The following STK26 variants were observed in gnomAD, a reference collection of about 807,000 sequenced individuals.
The protein encoded by STK26 is serine/threonine-protein kinase 26.
In STK26, 14 loss-of-function variants were observed where a neutral mutation model predicts 34.7. The observed-to-expected ratio is 0.40, with a 90% confidence interval of 0.27 to 0.63. The LOEUF (loss-of-function observed/expected upper bound fraction) is 0.63, where lower values mean the gene tolerates loss of function less well. Among genes scored for constraint, STK26 ranks in the 30% least tolerant of loss-of-function variants. The probability of loss-of-function intolerance (pLI) is 0.38; values close to 1 mark genes in which losing one functional copy is unlikely to be tolerated. For missense variants in STK26, 226 were observed against 309.1 expected (o/e 0.73, Z 2.02); for synonymous variants, 100 against 109.8 (o/e 0.91, Z 0.56).
intron 2 of STK26, among the ~76,000 whole-genome samples, chrX:132,047,475 G>A (rs1033472683): frequency 9.0e-6 from 1 of 111,170 alleles, no homozygotes; most frequent in Non-Finnish European, 1.9e-5. Context: ...AACAGAACTG[G>A]AAACCTTAGT....
chrX:132,046,254 C>T (rs954128489), intron 2 of STK26, among the ~76,000 whole-genome samples: 1 of 111,242 alleles, frequency 9.0e-6, no homozygotes, highest in African/African-American at 3.3e-5. Context: ...AAGAGGAATG[C>T]AAGTTAGCAG....
chrX:132,059,638 A>G (rs1926980365), intron 3 of STK26, among the ~76,000 whole-genome samples: 1 of 111,537 alleles, frequency 9.0e-6, no homozygotes, highest in Non-Finnish European at 1.9e-5. Flanking sequence ...ATCTTTAAAT[A>G]TTTTTCTAGT....
At chrX:132,037,094 A>G (rs7888560) in intron 2 of STK26, among the ~76,000 whole-genome samples, 20,060 of 111,471 alleles carry the variant, frequency 0.18, 1,475 homozygotes, top group Non-Finnish European at 0.22. Flanking sequence ...TGTGGTGTCC[A>G]TGGACTTGCT....
chrX:132,052,305 G>A (rs1265988786), intron 2 of STK26, among the ~76,000 whole-genome samples: 2 of 111,552 alleles, frequency 1.8e-5, no homozygotes, highest in Admixed American at 9.5e-5. Flanking sequence ...AGTAAATGGG[G>A]CAGGGGTCTC....
At chrX:132,025,026 C>A (rs770817671) in intron 2 of STK26, among the ~76,000 whole-genome samples, 1 of 111,152 alleles carries the variant, frequency 9.0e-6, no homozygotes, top group South Asian at 3.8e-4. Context: ...AACTTTCTTC[C>A]TCTCAGGCGG....
At chrX:132,033,059 T>G (rs1182778366) in intron 2 of STK26, among the ~76,000 whole-genome samples, 1 of 111,644 alleles carries the variant, frequency 9.0e-6, no homozygotes, top group East Asian at 2.8e-4. Flanking sequence ...TATATTATAT[T>G]AAGCTAGGTT....
chrX:132,055,344 G>A, intron 3 of STK26: 2 of 710,968 alleles, frequency 2.8e-6, no homozygotes, highest in Non-Finnish European at 4.1e-6. Flanking sequence ...ACATTCCTTA[G>A]CACAGGGTAT....
At chrX:132,024,601 C>G (rs1190281816) in intron 2 of STK26, among the ~76,000 whole-genome samples, 2 of 111,186 alleles carry the variant, frequency 1.8e-5, no homozygotes, top group Admixed American at 9.5e-5. Context: ...GGGGCTAAAA[C>G]CACTGAAGCC....
At chrX:132,056,535 T>C (rs1238382183) in intron 3 of STK26, among the ~76,000 whole-genome samples, 1 of 111,810 alleles carries the variant, frequency 8.9e-6, no homozygotes, top group Non-Finnish European at 1.9e-5. Context: ...CCCCAGTCTC[T>C]TTTTCTTCCA....
chrX:132,032,824 T>A (rs1925890885), intron 2 of STK26, among the ~76,000 whole-genome samples: 1 of 111,666 alleles, frequency 9.0e-6, no homozygotes, highest in Non-Finnish European at 1.9e-5. Flanking sequence ...AGGAAATTTC[T>A]AAGCATGCTA....
rs746136498 is a variant in STK26, at chrX:132,068,206, C to T, written c.331-9C>T. On this transcript the variant is annotated splice_polypyrimidine_tract_variant and intron_variant, in intron 4 of 11. Coordinates refer to ENST00000394334, the MANE Select transcript of STK26 (RefSeq NM_016542.4). ...TATGTGTATGTGTGTGTGTGTTTTT[C>T]CCCTTAAGCTTCGAGCTGGTCCATT... 3 of 1,173,906 alleles carry T rather than the reference C, an allele frequency of 2.6e-6. No homozygotes were observed. Among genetic ancestry groups the T allele is most frequent in the Non-Finnish European group, 3.4e-6 (3 of 874,950 alleles).
chrX:132,038,728 A>G (rs1409699228), intron 2 of STK26, among the ~76,000 whole-genome samples: 1 of 109,463 alleles, frequency 9.1e-6, no homozygotes, highest in East Asian at 2.8e-4. Flanking sequence ...ACTTAATATC[A>G]TTGTTATTTT....
chrX:132,054,577 A>G (rs1477199372), intron 2 of STK26, 54 bp from the exon 3 acceptor site: 3 of 1,070,975 alleles, frequency 2.8e-6, no homozygotes, highest in Admixed American at 2.8e-5. Flanking sequence ...CATTAAAAAA[A>G]TTTGATTCAA....
At chrX:132,055,908 ATTCT>A (rs1415860567) in intron 3 of STK26, among the ~76,000 whole-genome samples, 11 of 112,182 alleles carry the variant, frequency 9.8e-5, no homozygotes, top group African/African-American at 3.6e-4. Flanking sequence ...AAGTTCACAG[ATTCT>A]TTCTTCTGTT....
rs767540770 is a variant in STK26 at position 132,072,976 on chromosome X, A to G, written c.1109A>G (p.Asn370Ser). The part of the protein sequence containing the change: ...AFAELKQQDE[N>S]NASRNQAIEE... Reference sequence around the variant, plus strand: ...TCTCAGCTTAAACAGCAGGACGAGAATAACGCTAGCAGGAATCAGGCGATT... The same window carrying G: ...TCTCAGCTTAAACAGCAGGACGAGAGTAACGCTAGCAGGAATCAGGCGATT... Residue 370 changes from asparagine to serine, a missense_variant, in exon 11 of 12, where the codon AAT (asparagine) becomes AGT (serine). Transcript: ENST00000394334. The G allele has an allele frequency of 4.1e-6, 5 of 1,210,917 alleles. No homozygotes were observed. The highest frequency in any genetic ancestry group is 3.0e-5 in the East Asian group (1 of 33,831).
chrX:132,069,410 C>T (rs868851218), intron 6 of STK26, 68 bp from the exon 7 acceptor site: 34 of 93,814 alleles, frequency 3.6e-4, no homozygotes, highest in South Asian at 2.6e-3. Context: ...CATACATACA[C>T]ATATATATAT....
intron 2 of STK26, among the ~76,000 whole-genome samples, chrX:132,048,978 G>GTTTGT (rs59340167): frequency 1.8e-5 from 2 of 111,106 alleles, no homozygotes; most frequent in Non-Finnish European, 3.8e-5. Context: ...TTGTTTGTTT[G>GTTTGT]TTTGTTTTGT....
At chrX:132,028,110 C>G (rs1220072424) in intron 2 of STK26, among the ~76,000 whole-genome samples, 1 of 103,680 alleles carries the variant, frequency 9.6e-6, no homozygotes, top group African/African-American at 3.6e-5. Flanking sequence ...AGCAATCCAT[C>G]CACATTGGCC....
intron 11 of STK26, 97 bp downstream of exon 11, chrX:132,073,190 A>T: frequency 1.1e-6 from 1 of 942,266 alleles, no homozygotes; most frequent in East Asian, 3.2e-5. Context: ...CATTCCAATT[A>T]TTCCTAACAA....
Sources: gnomAD v4.1 joint callset for allele counts (sites outside exome capture counted in the v4.1 genomes callset) on GRCh38, gnomAD v4.1.1 for gene constraint, MANE v1.5 for transcripts, NCBI Gene and HGNC (gene_info 2026-07-23, HGNC 2026-07-21) for gene names.